Variants in ZNF91 observed in about 807,000 individuals in gnomAD.
ZNF91 encodes zinc finger protein 91 (HPF7, HTF10).
Under a neutral mutation model 12.6 loss-of-function variants are expected in ZNF91, and 7 were observed. The observed-to-expected ratio is 0.55, with a 90% CI of 0.31 to 1.04. ZNF91 has a LOEUF of 1.04. Ranked by LOEUF, ZNF91 falls within the 50% of genes least tolerant of loss-of-function variation. The pLI is 0.05. For missense variants in ZNF91, 1,217 were observed against 1,385.4 expected (o/e 0.88, Z 1.93); for synonymous variants, 453 against 462.6 (o/e 0.98, Z 0.27).
intron 1 of ZNF91, among the ~76,000 whole-genome samples, chr19:23,383,556 C>T (rs1287219916): frequency 2.6e-5 from 4 of 151,872 alleles, no homozygotes; most frequent in African/African-American, 7.3e-5. Flanking sequence ...GGTGTGGTGG[C>T]GGGTGCCTGT....
At chr19:23,370,061 T>C (rs1969212144) in intron 3 of ZNF91, among the ~76,000 whole-genome samples, 1 of 151,590 alleles carries the variant, frequency 6.6e-6, no homozygotes, top group Admixed American at 6.6e-5. Context: ...ATATTGATTG[T>C]TGGTGGAAAG....
chr19:23,334,181 A>T (rs1396523097), downstream of ZNF91, among the ~76,000 whole-genome samples: 1 of 152,234 alleles, frequency 6.6e-6, no homozygotes, highest in Non-Finnish European at 1.5e-5. Flanking sequence ...GTATTAAAAT[A>T]TAAGGCTTAT....
rs1386622357 is a variant in ZNF91 at position 23,360,419 on chromosome 19, A to C, written c.2560T>G (p.Tyr854Asp). 1 of 1,614,100 alleles carries C rather than the reference A, an allele frequency of 6.2e-7. No individual in the cohort carries two copies. The highest frequency in any genetic ancestry group is 1.1e-5 in the South Asian group (1 of 91,088). The change falls in exon 4 of 4, where the codon TAC (tyrosine) becomes GAC (aspartate). Residue 854 changes from tyrosine (Y) to aspartate (D), a missense_variant. This residue lies in a region of ZNF91 where 491 missense variants were observed against 489.8 expected (regional missense o/e 1.00). Transcript: ENST00000300619. ...HKIIHAGEKL[Y>D]KCEECGKAFN... ...GCTTTGCCACATTCCTCACATTTGTAGAGTTTCTCTCCAGCATGTATTATT... is the reference window on the plus strand; with the variant it reads ...GCTTTGCCACATTCCTCACATTTGTCGAGTTTCTCTCCAGCATGTATTATT...
intron 1 of ZNF91, among the ~76,000 whole-genome samples, chr19:23,332,653 G>T (rs936816984): frequency 6.7e-6 from 1 of 149,750 alleles, no homozygotes; most frequent in Admixed American, 6.6e-5. Flanking sequence ...GCCAGGACAG[G>T]GTCCTGATTT....
At chr19:23,375,118 A>G (rs1293235967) in intron 1 of ZNF91, among the ~76,000 whole-genome samples, 3 of 152,044 alleles carry the variant, frequency 2.0e-5, no homozygotes, top group African/African-American at 7.2e-5. Context: ...GTTGTTATAT[A>G]TTTCAGACAC....
chr19:23,345,505 T>A lies in ZNF91; in HGVS notation c.254-6451A>T, dbSNP rs541022324. Among the ~76,000 whole-genome samples the A allele has an allele frequency of 5.0e-4, 76 of 152,282 alleles. No homozygotes were observed. In the South Asian group the frequency reaches 0.012, roughly 23 times the overall value. Reference sequence around the variant, plus strand: ...GAGAAATTACTTATATCCAGGCCTTTTTTGCACTCAGATCACAACCCAACC... The same window carrying A: ...GAGAAATTACTTATATCCAGGCCTTATTTGCACTCAGATCACAACCCAACC... On this transcript the variant is annotated intron_variant, in intron 3 of 3. Transcript: ENST00000599743.
rs553002156 is a variant in ZNF91, at chr19:23,351,880, G to A, written c.254-12826C>T. Among the ~76,000 whole-genome samples the A allele has an allele frequency of 9.9e-5, 15 of 152,262 alleles. No homozygotes were observed. In the South Asian group the frequency reaches 1.7e-3, roughly 17 times the overall value. ...CATACAGGGTGGAGGAGGCAGTAGG[G>A]AGGCCCTGGGAGCTCGCTGAATCCC... On this transcript the variant is annotated intron_variant, in intron 3 of 3. Transcript: ENST00000599743.
intron 1 of ZNF91, chr19:23,384,963 C>A (rs979379039): frequency 1.2e-5 from 11 of 951,366 alleles, no homozygotes; most frequent in African/African-American, 1.1e-4. Context: ...GGCTTAGCTG[C>A]GAGCCCGTCA....
chr19:23,370,290 A>G (rs1200085914), intron 3 of ZNF91, among the ~76,000 whole-genome samples: 1 of 152,186 alleles, frequency 6.6e-6, no homozygotes, highest in African/African-American at 2.4e-5. Flanking sequence ...GAAATAAACT[A>G]GTAACGAAAC....
intron 2 of ZNF91, chr19:23,307,451 T>G (rs1391182019): frequency 6.6e-6 from 1 of 152,240 alleles, no homozygotes; most frequent in Non-Finnish European, 1.5e-5. Flanking sequence ...ACATGTTGTG[T>G]GACACTTCTT....
intron 1 of ZNF91, among the ~76,000 whole-genome samples, chr19:23,321,194 CT>C (rs1214039674): frequency 6.6e-6 from 1 of 152,196 alleles, no homozygotes; most frequent in Non-Finnish European, 1.5e-5. Flanking sequence ...ACTCTCCTGC[CT>C]GGGCTTCGTT....
At chr19:23,386,200 G>C (rs1017999107) in intron 1 of ZNF91, among the ~76,000 whole-genome samples, 1 of 151,826 alleles carries the variant, frequency 6.6e-6, no homozygotes, top group African/African-American at 2.4e-5. Context: ...CTCATAAATA[G>C]AAAAAATCAA....
At chr19:23,331,006 C>A (rs1186595658) in intron 1 of ZNF91, among the ~76,000 whole-genome samples, 1 of 152,164 alleles carries the variant, frequency 6.6e-6, no homozygotes, top group Admixed American at 6.5e-5. Flanking sequence ...TATAAGGCAA[C>A]TTTTAGATAA....
chr19:23,394,175 C>G (rs1568408194), intron 1 of ZNF91, among the ~76,000 whole-genome samples: 2 of 152,052 alleles, frequency 1.3e-5, no homozygotes, highest in Non-Finnish European at 2.9e-5. Context: ...GAGGGGTGGA[C>G]TTGAGGCCCT....
At chr19:23,366,427 T>C (rs1046880477) in intron 3 of ZNF91, among the ~76,000 whole-genome samples, 2 of 152,204 alleles carry the variant, frequency 1.3e-5, no homozygotes, top group Non-Finnish European at 2.9e-5. Context: ...AAGATTCATA[T>C]AAAAATGAAT....
At chr19:23,338,542 G>A (rs1968059115), downstream of ZNF91, 1 of 151,892 alleles carries the variant, frequency 6.6e-6, no homozygotes. Context: ...ACAAGAGATT[G>A]ATATTCACCA....
intron 1 of ZNF91, among the ~76,000 whole-genome samples, chr19:23,382,323 A>C (rs1414410735): frequency 6.6e-6 from 1 of 152,214 alleles, no homozygotes; most frequent in African/African-American, 2.4e-5. Context: ...TGTTTATGGA[A>C]GAAAAAACAG....
chr19:23,385,088 G>C lies in ZNF91; in HGVS notation c.30+10237C>G. On this transcript the variant is annotated intron_variant, in intron 1 of 3. Coordinates refer to ENST00000300619, the MANE Select transcript of ZNF91 (RefSeq NM_003430.4). ...TCTCAGTCCAGACAGGGCAGGGACA[G>C]CCACTCCTCCAACCTGTCCGAACAG... The C allele has an allele frequency of 1.2e-5, 11 of 914,982 alleles. No homozygotes were observed. The South Asian group carries it at 1.5e-4, about 12-fold the overall frequency. 56.7% of individuals were successfully genotyped at this position (914,982 alleles called of 1,614,324 possible).
chr19:23,369,992 A>G (rs1330659600), intron 3 of ZNF91, among the ~76,000 whole-genome samples: 3 of 143,802 alleles, frequency 2.1e-5, no homozygotes, highest in Non-Finnish European at 4.6e-5. Flanking sequence ...AACACCCAAG[A>G]ATGATCAATA....
Sources: gnomAD v4.1 joint callset for allele counts (sites outside exome capture counted in the v4.1 genomes callset) on GRCh38, gnomAD v4.1.1 for gene constraint, gnomAD v4.1.1 regional missense constraint, MANE v1.5 for transcripts, NCBI Gene and HGNC (gene_info 2026-07-23, HGNC 2026-07-21) for gene names.